Variants in RAC1 observed in about 807,000 individuals in gnomAD.
RAC1 encodes the protein Rac family small GTPase 1.
Under a neutral mutation model 25.2 loss-of-function variants are expected in RAC1, and 2 were observed. The observed-to-expected ratio is 0.08, with a 90% CI of 0.03 to 0.25. The LOEUF (loss-of-function observed/expected upper bound fraction) is 0.25. Ranked by LOEUF, RAC1 falls within the 10% of genes least tolerant of loss-of-function variation. The pLI, the probability that RAC1 is intolerant of heterozygous loss-of-function variation, is 1.00. For missense variants in RAC1, 50 were observed against 235.7 expected, an observed-to-expected ratio of 0.21 and a Z score of 5.16; for synonymous variants, 88 against 94.0, an observed-to-expected ratio of 0.94 and a Z score of 0.37.
chr7:6,403,757 G>A lies in RAC1; in HGVS notation c.*1311G>A, dbSNP rs889188425. 2 of 210,302 alleles carry A rather than the reference G, an allele frequency of 9.5e-6. No individual in the cohort carries two copies. The highest frequency in any genetic ancestry group is 2.3e-5 in the African/African-American group (1 of 43,974). 13.0% of individuals were successfully genotyped at this position (210,302 alleles called of 1,614,324 possible). On this transcript the variant is annotated 3_prime_UTR_variant, in exon 6 of 6. Coordinates refer to ENST00000348035, the MANE Select transcript of RAC1 (RefSeq NM_006908.5). Reference sequence around the variant, plus strand: ...GCTTTGCCTATTGATGTTCCTTTGGGTCTGTGAGGTTCTGTAAACTGTGCT... The same window carrying A: ...GCTTTGCCTATTGATGTTCCTTTGGATCTGTGAGGTTCTGTAAACTGTGCT...
chr7:6,385,233 A>T (rs544073527), intron 1 of RAC1, among the ~76,000 whole-genome samples: 1 of 152,356 alleles, frequency 6.6e-6, no homozygotes, highest in East Asian at 1.9e-4. Context: ...TTTAAATTTA[A>T]CAACTGCACT....
chr7:6,397,864 C>G, intron 3 of RAC1, among the ~76,000 whole-genome samples: 1 of 152,148 alleles, frequency 6.6e-6, no homozygotes, highest in Non-Finnish European at 1.5e-5. Flanking sequence ...TGGTGTGTGC[C>G]TGTAGTCCCA....
At chr7:6,399,175 G>C (rs910678201) in intron 3 of RAC1, among the ~76,000 whole-genome samples, 9 of 152,154 alleles carry the variant, frequency 5.9e-5, no homozygotes, top group Non-Finnish European at 1.3e-4. Flanking sequence ...TGGGTGCCGC[G>C]GTGATTCTTG....
chr7:6,378,871 T>C (rs1426012479), intron 1 of RAC1, among the ~76,000 whole-genome samples: 2 of 152,146 alleles, frequency 1.3e-5, no homozygotes, highest in African/African-American at 4.8e-5. Flanking sequence ...GCGGATTGCC[T>C]GAAGTCAGGA....
intron 2 of RAC1, 71 bp from the exon 3 acceptor site, chr7:6,391,853 T>A: frequency 6.2e-7 from 1 of 1,605,884 alleles, no homozygotes; most frequent in South Asian, 1.1e-5. Context: ...TTGGCACACC[T>A]TCTCTAGGAT....
intron 1 of RAC1, among the ~76,000 whole-genome samples, chr7:6,383,365 TAATC>T (rs1220303068): frequency 6.6e-6 from 1 of 152,258 alleles, no homozygotes; most frequent in Non-Finnish European, 1.5e-5. Context: ...GTAAAAGTTT[TAATC>T]AGAAGACTTA....
At chr7:6,398,999 T>TGGA (rs1442590768) in intron 3 of RAC1, among the ~76,000 whole-genome samples, 2 of 152,178 alleles carry the variant, frequency 1.3e-5, no homozygotes, top group East Asian at 3.9e-4. Context: ...GATGCAGATA[T>TGGA]GGAGACTCCT....
chr7:6,396,201 G>T (rs1345967849), intron 3 of RAC1, among the ~76,000 whole-genome samples: 1 of 152,120 alleles, frequency 6.6e-6, no homozygotes, highest in Non-Finnish European at 1.5e-5. Flanking sequence ...CAAGTGACCT[G>T]TGAGGAAGGA....
rs970144899 is a variant in RAC1 at position 6,402,461 on chromosome 7, C to A, written c.*15C>A. 3.5e-5 allele frequency: 48 copies of A among 1,386,666 alleles called. No individual in the cohort carries two copies. The highest frequency in any genetic ancestry group is 1.1e-4 in the Admixed American group (5 of 43,710). The allele number at this position is 1,386,666 out of a possible 1,614,324, so 85.9% of individuals were successfully genotyped here. A position where few individuals can be genotyped will look rare whatever the true frequency, so the allele number is the denominator to read the frequency against. ...TGCTGTTGTAAATGTCTCAGCCCCTCGTTCTTGGTCCTGTCCCTTGGAACC... is the reference window on the plus strand; with the variant it reads ...TGCTGTTGTAAATGTCTCAGCCCCTAGTTCTTGGTCCTGTCCCTTGGAACC... On this transcript the variant is annotated 3_prime_UTR_variant, in exon 6 of 6. Transcript: ENST00000348035.
chr7:6,389,922 T>TTTCC (rs909361983), intron 2 of RAC1, among the ~76,000 whole-genome samples: 4 of 151,304 alleles, frequency 2.6e-5, no homozygotes, highest in Admixed American at 1.3e-4. Context: ...TGATGGAACA[T>TTTCC]TTCCTTCCTT....
chr7:6,392,321 A>G (rs189532330), intron 3 of RAC1, among the ~76,000 whole-genome samples: 60 of 152,252 alleles, frequency 3.9e-4, no homozygotes, highest in African/African-American at 1.3e-3. Context: ...GTTTTTGCAA[A>G]CCAGTTTTTA....
At position 6,396,237 on chromosome 7, in the gene RAC1, G is replaced by A. The variant is rs569644721; in HGVS notation, c.226-3889G>A. Among the ~76,000 whole-genome samples the A allele has an allele frequency of 5.4e-4, 83 of 152,312 alleles. 1 individual carries two copies. The highest frequency in any genetic ancestry group is 3.4e-3 in the Middle Eastern group (1 of 294). On this transcript the variant is annotated intron_variant, in intron 3 of 5. Coordinates refer to ENST00000348035, the MANE Select transcript of RAC1 (RefSeq NM_006908.5). Reference sequence around the variant, plus strand: ...AACTGAGAGACCCTGGAGAGACACCGGTGGTGCCCTCTCAGGTCCTCTTGA... The same window carrying A: ...AACTGAGAGACCCTGGAGAGACACCAGTGGTGCCCTCTCAGGTCCTCTTGA...
At chr7:6,386,964 C>G (rs1283487415) in intron 1 of RAC1, among the ~76,000 whole-genome samples, 1 of 151,682 alleles carries the variant, frequency 6.6e-6, no homozygotes, top group Non-Finnish European at 1.5e-5. Flanking sequence ...AATGCTAACA[C>G]CGGGTACCTA....
intron 2 of RAC1, chr7:6,391,363 C>G (rs990599931): frequency 6.5e-6 from 1 of 153,100 alleles, no homozygotes; most frequent in Non-Finnish European, 1.5e-5. Flanking sequence ...GTTATCTCTC[C>G]TGACTAATTT....
chr7:6,375,962 A>G (rs558406075), intron 1 of RAC1: 30 of 152,208 alleles, frequency 2.0e-4, no homozygotes, highest in Middle Eastern at 3.4e-3. Context: ...ATCAAACTCA[A>G]TGCAACTGGT....
At chr7:6,384,203 A>T (rs1002534233) in intron 1 of RAC1, among the ~76,000 whole-genome samples, 1 of 152,012 alleles carries the variant, frequency 6.6e-6, no homozygotes, top group Non-Finnish European at 1.5e-5. Context: ...CTCCAAGTTC[A>T]AGCAGTCCAG....
At chr7:6,396,905 C>A (rs1379337890) in intron 3 of RAC1, among the ~76,000 whole-genome samples, 1 of 152,066 alleles carries the variant, frequency 6.6e-6, no homozygotes, top group African/African-American at 2.4e-5. Context: ...TGGCGGGCAC[C>A]TGTGGTCCCA....
chr7:6,388,322 TTTGTTGTTG>T (rs533656351), intron 2 of RAC1, among the ~76,000 whole-genome samples: 7 of 151,218 alleles, frequency 4.6e-5, no homozygotes, highest in Non-Finnish European at 5.9e-5. Flanking sequence ...TACCCATGTT[TTTGTTGTTG>T]TTGTTGTTGT....
chr7:6,392,089 C>A (rs367897431), intron 3 of RAC1, 48 bp downstream of exon 3: 14 of 1,609,984 alleles, frequency 8.7e-6, no homozygotes, highest in African/African-American at 8.0e-5. Context: ...GTATATAATT[C>A]TCGAGCGCTT....
Sources: gnomAD v4.1 joint callset for allele counts (sites outside exome capture counted in the v4.1 genomes callset) on GRCh38, gnomAD v4.1.1 for gene constraint, MANE v1.5 for transcripts, NCBI Gene and HGNC (gene_info 2026-07-23, HGNC 2026-07-21) for gene names.